The following PLCL1 variants were observed in gnomAD, a reference collection of about 807,000 sequenced individuals.
PLCL1 encodes inactive phospholipase C-like protein 1.
In PLCL1, 41 loss-of-function variants were observed where a neutral mutation model predicts 84.4. That is an observed-to-expected ratio of 0.49 (90% CI 0.38 to 0.63). PLCL1 has a LOEUF of 0.63. PLCL1 is among the 30% of genes least tolerant of loss of function. The probability of loss-of-function intolerance (pLI) is 0.00; values close to 1 mark genes in which losing one functional copy is unlikely to be tolerated. For synonymous variants in PLCL1, 490 were observed against 488.3 expected, an observed-to-expected ratio of 1.00 and a Z score of -0.05; for missense variants, 1,206 against 1,367.8, an observed-to-expected ratio of 0.88 and a Z score of 1.87.
Position 198,076,387 on chromosome 2 carries a change from CT to C in PLCL1, c.241-7367del, listed in dbSNP as rs544591369. 2.3e-3 allele frequency among the ~76,000 whole-genome samples: 353 copies of C among 152,270 alleles called. 2 individuals carry two copies. The highest frequency in any genetic ancestry group is 4.8e-3 in the Admixed American group (74 of 15,286). ...TAGTGCGTTTTATTAAATGAATCAC[CT>C]TTTATAAATAAAATTTAATGGTAAA... On this transcript the variant is annotated intron_variant, in intron 1 of 5. Transcript: ENST00000428675.
intron 1 of PLCL1, among the ~76,000 whole-genome samples, chr2:198,075,625 C>T (rs766909149): frequency 2.0e-5 from 3 of 152,254 alleles, no homozygotes; most frequent in South Asian, 4.1e-4. Context: ...CTACAAAGGA[C>T]GTAGTACTTC....
At chr2:197,984,010 T>G (rs548812445) in intron 1 of PLCL1, among the ~76,000 whole-genome samples, 10 of 152,348 alleles carry the variant, frequency 6.6e-5, no homozygotes, top group African/African-American at 2.4e-4. Flanking sequence ...GAAGCATAAC[T>G]GAAATACAAC....
chr2:197,807,851 C>A (rs1319811085), intron 1 of PLCL1, among the ~76,000 whole-genome samples: 1 of 152,150 alleles, frequency 6.6e-6, no homozygotes, highest in Admixed American at 6.5e-5. Flanking sequence ...ATATTAAATT[C>A]TTGTCAGCTC....
Position 197,804,945 on chromosome 2 carries a change from C to CGCCGCT in PLCL1, c.-150_-149insTGCCGC. Reference sequence around the variant, plus strand: ...CGATGTCCCCTCTCCAGAAAGTTGCCGCCGCCGCCGCCGCCGCCGCCACTG... The same window carrying CGCCGCT: ...CGATGTCCCCTCTCCAGAAAGTTGCCGCCGCTGCCGCCGCCGCCGCCGCCGCCACTG... On this transcript the variant is annotated 5_prime_UTR_variant, in exon 1 of 6. Coordinates refer to ENST00000428675, the MANE Select transcript of PLCL1 (RefSeq NM_006226.4). The CGCCGCT allele has an allele frequency of 1.3e-6, 1 of 776,916 alleles. No individual in the cohort carries two copies. The highest frequency in any genetic ancestry group is 1.9e-6 in the Non-Finnish European group (1 of 534,816). 48.1% of individuals were successfully genotyped at this position (776,916 alleles called of 1,614,324 possible).
At chr2:197,816,336 T>C (rs905802092) in intron 1 of PLCL1, among the ~76,000 whole-genome samples, 4 of 152,170 alleles carry the variant, frequency 2.6e-5, no homozygotes, top group African/African-American at 9.7e-5. Flanking sequence ...TAAGGTTATA[T>C]ACATTGTGCT....
chr2:197,811,165 A>G (rs923269513), intron 1 of PLCL1, among the ~76,000 whole-genome samples: 1 of 152,248 alleles, frequency 6.6e-6, no homozygotes, highest in East Asian at 1.9e-4. Flanking sequence ...AGGAAACAAT[A>G]GACAGAGTTT....
intron 5 of PLCL1, among the ~76,000 whole-genome samples, chr2:198,111,996 C>T (rs1001673436): frequency 3.3e-5 from 5 of 151,754 alleles, no homozygotes; most frequent in African/African-American, 9.7e-5. Context: ...AAAGCTACAG[C>T]GAGAGAGTGT....
At chr2:198,013,033 T>A (rs1366395819) in intron 1 of PLCL1, among the ~76,000 whole-genome samples, 1 of 152,150 alleles carries the variant, frequency 6.6e-6, no homozygotes, top group Non-Finnish European at 1.5e-5. Context: ...TCATATTTCA[T>A]ATCCATGAAC....
chr2:198,101,807 A>G (rs1693344574), intron 4 of PLCL1, among the ~76,000 whole-genome samples: 2 of 152,084 alleles, frequency 1.3e-5, no homozygotes, highest in South Asian at 4.1e-4. Context: ...CTTTTTAAGT[A>G]TGGGATGAGT....
intron 1 of PLCL1, among the ~76,000 whole-genome samples, chr2:197,983,195 C>CTT (rs1690149660): frequency 1.9e-5 from 1 of 51,708 alleles, no homozygotes; most frequent in Non-Finnish European, 4.2e-5. Context: ...TTTTTCTTTT[C>CTT]TTTTCTTTTT....
intron 1 of PLCL1, among the ~76,000 whole-genome samples, chr2:198,064,932 GGA>G (rs773938727): frequency 1.1e-4 from 16 of 152,132 alleles, no homozygotes; most frequent in Non-Finnish European, 1.6e-4. Context: ...AGAAGCTTGT[GGA>G]GACAGAAAAT....
intron 4 of PLCL1, among the ~76,000 whole-genome samples, chr2:198,101,904 C>G (rs575719421): frequency 7.9e-5 from 12 of 152,188 alleles, no homozygotes; most frequent in African/African-American, 2.9e-4. Flanking sequence ...ACAACCTTCT[C>G]TATCCACATA....
intron 1 of PLCL1, among the ~76,000 whole-genome samples, chr2:197,810,908 C>G (rs1690573673): frequency 6.7e-6 from 1 of 149,810 alleles, no homozygotes; most frequent in Non-Finnish European, 1.5e-5. Flanking sequence ...CCAGACAGAG[C>G]TAAGAGGCAG....
chr2:197,953,186 T>C (rs950460389), intron 1 of PLCL1, among the ~76,000 whole-genome samples: 1 of 152,136 alleles, frequency 6.6e-6, no homozygotes, highest in Non-Finnish European at 1.5e-5. Flanking sequence ...TGCGGAGATG[T>C]AACTCGGGTT....
At chr2:198,050,056 A>G (rs2105867436) in intron 1 of PLCL1, among the ~76,000 whole-genome samples, 1 of 152,316 alleles carries the variant, frequency 6.6e-6, no homozygotes, top group South Asian at 2.1e-4. Flanking sequence ...GGGTCTCTGC[A>G]GGCCGGACTG....
intron 1 of PLCL1, among the ~76,000 whole-genome samples, chr2:197,944,831 C>A (rs968949952): frequency 2.0e-5 from 3 of 152,168 alleles, no homozygotes; most frequent in Admixed American, 2.0e-4. Context: ...GACTTTTCTT[C>A]TCTCTGCTGT....
chr2:198,002,195 A>C (rs887391801), intron 1 of PLCL1, among the ~76,000 whole-genome samples: 1 of 152,070 alleles, frequency 6.6e-6, no homozygotes, highest in African/African-American at 2.4e-5. Flanking sequence ...AGAGTGTCCT[A>C]TTGTACCCCA....
intron 1 of PLCL1, among the ~76,000 whole-genome samples, chr2:197,946,173 C>T (rs1042214803): frequency 3.9e-5 from 6 of 152,002 alleles, no homozygotes; most frequent in East Asian, 1.9e-4. Context: ...GTGGGATATA[C>T]GATTGAATGG....
chr2:197,828,375 C>G (rs1690978237), intron 1 of PLCL1, among the ~76,000 whole-genome samples: 1 of 151,982 alleles, frequency 6.6e-6, no homozygotes. Context: ...CAGTAAAAAG[C>G]ACAAAACATT....
Sources: allele counts gnomAD v4.1 joint callset (sites outside exome capture counted in the v4.1 genomes callset), GRCh38; gene constraint gnomAD v4.1.1; transcripts MANE v1.5; gene names NCBI Gene and HGNC (gene_info 2026-07-23, HGNC 2026-07-21).